Variants in VPS13C observed in about 807,000 individuals in gnomAD.
VPS13C encodes the protein intermembrane lipid transfer protein VPS13C.
VPS13C carries 358 observed loss-of-function variants against 456.8 expected under a neutral mutation model. The ratio of observed to expected loss-of-function variants is 0.78; its 90% CI spans 0.72 to 0.86. The LOEUF is 0.86. Among genes scored for constraint, VPS13C ranks in the 40% least tolerant of loss-of-function variants. The probability of loss-of-function intolerance (pLI) is 0.00; values close to 1 mark genes in which losing one functional copy is unlikely to be tolerated. For missense variants in VPS13C, 4,818 were observed against 4,385.4 expected (o/e 1.10, Z -2.79); for synonymous variants, 1,578 against 1,486.7 (o/e 1.06, Z -1.41).
intron 70 of VPS13C, 35 bp from the exon 71 acceptor site, chr15:61,881,667 T>C: frequency 1.9e-6 from 3 of 1,604,590 alleles, no homozygotes; most frequent in Non-Finnish European, 2.6e-6. Context: ...AAAAAAATAA[T>C]GCTTTATACT....
chr15:61,964,601 T>C (rs2045321375), intron 31 of VPS13C, 98 bp downstream of exon 31: 7 of 1,140,574 alleles, frequency 6.1e-6, no homozygotes, highest in Non-Finnish European at 8.5e-6. Context: ...GGGAAAATGG[T>C]ATTTAAATGA....
chr15:61,983,661 A>C (rs984322130), intron 20 of VPS13C, 159 bp downstream of exon 20: 1 of 722,328 alleles, frequency 1.4e-6, no homozygotes, highest in Non-Finnish European at 2.1e-6. Context: ...AATCAAAATT[A>C]GCTGCTGAAC....
chr15:62,007,390 T>C lies in VPS13C; in HGVS notation c.1208A>G (p.Gln403Arg), dbSNP rs767664181. 2.5e-6 allele frequency: 4 copies of C among 1,613,218 alleles called. No homozygotes were observed. The highest frequency in any genetic ancestry group is 3.4e-6 in the Non-Finnish European group (4 of 1,179,568). Residue 403 changes from glutamine (Q) to arginine (R), a missense_variant, in exon 15 of 85, where the codon CAG becomes CGG. Gln to Arg is a conservative substitution (Grantham distance 43, BLOSUM62 1). Transcript: ENST00000644861. Reference protein sequence around the residue: ...WSWSNIKKHRQLLKSYKIAYK... With the variant: ...WSWSNIKKHRRLLKSYKIAYK... ...GGCAATTTTATAACTCTTGAGTAAC[T>C]GCCTGTGCTTTTTTATGTTACTCCA...
chr15:61,860,250 A>C (rs551117295), intron 82 of VPS13C, among the ~76,000 whole-genome samples: 1 of 152,172 alleles, frequency 6.6e-6, no homozygotes, highest in African/African-American at 2.4e-5. Flanking sequence ...CTCAACAGTA[A>C]TCAAAGAAAT....
chr15:61,951,684 C>T, intron 39 of VPS13C, 140 bp downstream of exon 39: 2 of 804,922 alleles, frequency 2.5e-6, no homozygotes, highest in South Asian at 2.9e-5. Context: ...GAACTGTACC[C>T]AGGGACTGTT....
chr15:62,050,288 G>A (rs1456604828), intron 1 of VPS13C, among the ~76,000 whole-genome samples: 1 of 152,220 alleles, frequency 6.6e-6, no homozygotes, highest in Non-Finnish European at 1.5e-5. Flanking sequence ...ACAGACTAAG[G>A]TGACAGATAA....
At chr15:61,992,031 G>T (rs2046239909) in intron 16 of VPS13C, among the ~76,000 whole-genome samples, 1 of 152,022 alleles carries the variant, frequency 6.6e-6, no homozygotes, top group African/African-American at 2.4e-5. Flanking sequence ...AAGGCTGCAT[G>T]TTATGAGCAA....
At chr15:62,008,199 C>A (rs1307982566) in intron 14 of VPS13C, among the ~76,000 whole-genome samples, 1 of 151,918 alleles carries the variant, frequency 6.6e-6, no homozygotes, top group Non-Finnish European at 1.5e-5. Flanking sequence ...TCACCGCACC[C>A]CAGCCTGGGT....
At chr15:62,031,997 T>A (rs970270937) in intron 5 of VPS13C, among the ~76,000 whole-genome samples, 2 of 151,884 alleles carry the variant, frequency 1.3e-5, no homozygotes, top group African/African-American at 4.8e-5. Context: ...ATGCTCCATT[T>A]TTTAAAAAGG....
rs2043223835 is a variant in VPS13C, at chr15:61,909,011, T to C, written c.8959A>G (p.Ile2987Val). 6.2e-7 allele frequency: 1 copy of C among 1,613,854 alleles called. No homozygotes were observed. The highest frequency in any genetic ancestry group is 8.5e-7 in the Non-Finnish European group (1 of 1,179,864). ...TCATACCTCTGTTTGTATGTGAGGA[T>C]GTCCCATGGTGTATGGTTCATTATC... ...ALIMNHTPWD[I>V]LTYKQSGSPE... The change falls in exon 65 of 85, where the codon ATC becomes GTC. Residue 2987 changes from isoleucine (I) to valine (V), a missense_variant. Coordinates refer to ENST00000644861, the MANE Select transcript of VPS13C (RefSeq NM_020821.3).
chr15:61,985,003 T>A lies in VPS13C; in HGVS notation c.1579-4A>T, dbSNP rs760790442. The A allele has an allele frequency of 1.4e-6, 2 of 1,431,386 alleles. No individual in the cohort carries two copies. The highest frequency in any genetic ancestry group is 5.1e-5 in the East Asian group (2 of 39,130). The allele number at this position is 1,431,386 out of a possible 1,614,324, so 88.7% of individuals were successfully genotyped here. A position where few individuals can be genotyped will look rare whatever the true frequency, so the allele number is the denominator to read the frequency against. On this transcript the variant is annotated splice_region_variant and splice_polypyrimidine_tract_variant and intron_variant, in intron 18 of 84. Transcript: ENST00000644861. The stretch of plus-strand genomic sequence containing the variant: ...GGGTCATAATATGGGCAACATACTA[T>A]ACAGAAAGAATGAAATTAAAATTGT...
chr15:62,046,848 T>C (rs899380673), intron 1 of VPS13C, among the ~76,000 whole-genome samples: 1 of 152,200 alleles, frequency 6.6e-6, no homozygotes, highest in Non-Finnish European at 1.5e-5. Flanking sequence ...ATATGGCTAA[T>C]AGAGTTAGAC....
chr15:62,032,225 C>T (rs1273776670), intron 5 of VPS13C, among the ~76,000 whole-genome samples: 1 of 151,640 alleles, frequency 6.6e-6, no homozygotes, highest in African/African-American at 2.4e-5. Context: ...ACTACTTTTA[C>T]ATATATTAAT....
intron 45 of VPS13C, among the ~76,000 whole-genome samples, chr15:61,942,955 C>T (rs780112880): frequency 5.5e-4 from 84 of 152,044 alleles, no homozygotes; most frequent in Admixed American, 1.4e-3. Flanking sequence ...AAATCAGTAG[C>T]ATTTCTATAC....
chr15:61,986,814 CCAAACAA>C (rs2046070784), intron 18 of VPS13C, among the ~76,000 whole-genome samples: 1 of 151,704 alleles, frequency 6.6e-6, no homozygotes, highest in East Asian at 1.9e-4. Context: ...AAAATGCAGG[CCAAACAA>C]CAATGAAATT....
intron 52 of VPS13C, 50 bp downstream of exon 52, chr15:61,927,041 C>T (rs1159289426): frequency 6.7e-7 from 1 of 1,502,824 alleles, no homozygotes; most frequent in South Asian, 1.2e-5. Context: ...TATGAATCAA[C>T]TGTTTCTGCC....
intron 25 of VPS13C, among the ~76,000 whole-genome samples, chr15:61,973,734 G>A (rs2045623410): frequency 6.6e-6 from 1 of 152,084 alleles, no homozygotes; most frequent in Non-Finnish European, 1.5e-5. Flanking sequence ...AAATTATTAA[G>A]TCTACCACCC....
chr15:62,014,017 T>C, intron 9 of VPS13C, 25 bp from the exon 10 acceptor site: 1 of 1,577,844 alleles, frequency 6.3e-7, no homozygotes. Context: ...GGAATACCTG[T>C]GAAACGTGGT....
At chr15:62,058,336 C>A (rs1405373421) in intron 1 of VPS13C, among the ~76,000 whole-genome samples, 2 of 152,138 alleles carry the variant, frequency 1.3e-5, no homozygotes, top group African/African-American at 4.8e-5. Flanking sequence ...TTAAATGTGT[C>A]TTTCTTTACT....
Sources: gnomAD v4.1 joint callset for allele counts (sites outside exome capture counted in the v4.1 genomes callset) on GRCh38, gnomAD v4.1.1 for gene constraint, MANE v1.5 for transcripts, NCBI Gene and HGNC (gene_info 2026-07-23, HGNC 2026-07-21) for gene names.